LDB1: variants seen among roughly 807,000 people sequenced by gnomAD.
The protein encoded by LDB1 is LIM domain binding 1.
In LDB1, 6 loss-of-function variants were observed where a neutral mutation model predicts 49.7. The observed-to-expected ratio is 0.12, with a 90% CI of 0.07 to 0.24. The LOEUF (loss-of-function observed/expected upper bound fraction) is 0.24, where lower values mean the gene tolerates loss of function less well. LDB1 is among the 10% of genes least tolerant of loss of function. The pLI, the probability that LDB1 is intolerant of heterozygous loss-of-function variation, is 1.00. For synonymous variants in LDB1, 233 were observed against 202.0 expected (o/e 1.15, Z -1.30); for missense variants, 341 against 561.7 (o/e 0.61, Z 3.97).
Position 102,111,474 on chromosome 10 carries a change from G to A in LDB1, c.88C>T (p.Pro30Ser). 1.3e-6 allele frequency: 2 copies of A among 1,564,974 alleles called. No homozygotes were observed. Among genetic ancestry groups the A allele is most frequent in the Middle Eastern group, 1.7e-4 (1 of 5,808 alleles). ...PKEPPNGNAF[P>S]PFHPGTMLDR... ...AGCATGGTGCCGGGATGGAAGGGGG[G>A]AAAGGCGTTGCCGTTCGGGGGCTCC... is the stretch of plus-strand genomic sequence containing the variant. Residue 30 changes from proline (P) to serine (S), a missense_variant, in exon 2 of 11, where the codon CCC becomes TCC. Physicochemically the swap from Pro to Ser is moderately conservative, Grantham distance 74. Transcript: ENST00000673968.
In LDB1 at chr10:102,107,259, A is replaced by G. The variant is rs1427989124; in HGVS notation, c.*834T>C. On this transcript the variant is annotated 3_prime_UTR_variant, in exon 11 of 11. Coordinates refer to ENST00000673968, the MANE Select transcript of LDB1 (RefSeq NM_001113407.3). ...TGGAAGAGAGGGAGTCACAAGCACT[A>G]GGAGGGCAGGCCAGAGTCCAGAGAA... 6.6e-6 allele frequency among the ~76,000 whole-genome samples: 1 copy of G among 152,190 alleles called. No individual in the cohort carries two copies. Among genetic ancestry groups the G allele is most frequent in the East Asian group, 1.9e-4 (1 of 5,164 alleles).
intron 1 of LDB1, among the ~76,000 whole-genome samples, 187 bp from the exon 2 acceptor site, chr10:102,111,723 T>C (rs879481679): frequency 5.3e-5 from 8 of 152,132 alleles, no homozygotes; most frequent in Non-Finnish European, 1.2e-4. Context: ...TGGTGGTGCA[T>C]GCCTGTGGTT....
downstream of LDB1, among the ~76,000 whole-genome samples, chr10:102,105,412 G>T (rs1008673760): frequency 3.3e-5 from 5 of 152,272 alleles, no homozygotes; most frequent in South Asian, 4.1e-4. Flanking sequence ...CAGCTAGGGA[G>T]GTGAGGGTAG....
intron 1 of LDB1, chr10:102,114,370 C>T: frequency 1.0e-6 from 1 of 986,294 alleles, no homozygotes; most frequent in Non-Finnish European, 1.2e-6. Flanking sequence ...GGCCTTCCGC[C>T]CACCCCCAAC....
rs1189834234 is a variant in LDB1 at position 102,109,706 on chromosome 10, A to G, written c.649-23T>C. The G allele has an allele frequency of 1.2e-6, 2 of 1,611,168 alleles. No homozygotes were observed. The highest frequency in any genetic ancestry group is 1.1e-5 in the South Asian group (1 of 90,956). ...GGCCTAGAGTGGGAGAAAAGACAAG[A>G]AAGAACACTGACACCTGGGTTGCCT... On this transcript the variant is annotated intron_variant, in intron 7 of 10. Coordinates refer to ENST00000673968, the MANE Select transcript of LDB1 (RefSeq NM_001113407.3). This position sits in a 1 kb window ranked among gnomAD's most constrained non-coding sequence, Gnocchi z 5.8.
intron 1 of LDB1, among the ~76,000 whole-genome samples, chr10:102,112,469 C>G (rs2133515326): frequency 6.6e-6 from 1 of 152,270 alleles, no homozygotes; most frequent in South Asian, 2.1e-4. Context: ...TTCCTCCACC[C>G]TCAGGGTCTC....
rs1431929206 is a variant in LDB1 at position 102,117,707 on chromosome 10, C to A, written c.25+2379G>T. On this transcript the variant is annotated intron_variant, in intron 1 of 10. Coordinates refer to ENST00000673968, the MANE Select transcript of LDB1 (RefSeq NM_001113407.3). The surrounding 1 kb of genome is among the most constrained non-coding windows in gnomAD (Gnocchi z 4.2). ...CCCCCTACTCCTCCCTGCCTTAACC[C>A]TTCTGAGCCACATGCTGCCCCAGAC... 6.6e-6 allele frequency among the ~76,000 whole-genome samples: 1 copy of A among 152,184 alleles called. No homozygotes were observed. The highest frequency in any genetic ancestry group is 2.4e-5 in the African/African-American group (1 of 41,444).
At chr10:102,110,848 A>C in intron 5 of LDB1, 21 bp downstream of exon 5, 1 of 1,606,846 alleles carries the variant, frequency 6.2e-7, no homozygotes, top group Non-Finnish European at 8.5e-7. Context: ...CCCTCATAGC[A>C]AGACCCCAGA....
rs756005339 is a variant in LDB1, at chr10:102,109,219, G to A, written c.857-42C>T. 3 of 1,611,956 alleles carry A rather than the reference G, an allele frequency of 1.9e-6. No individual in the cohort carries two copies. Among genetic ancestry groups the A allele is most frequent in the Non-Finnish European group, 2.5e-6 (3 of 1,179,692 alleles). On this transcript the variant is annotated intron_variant, in intron 9 of 10. Coordinates refer to ENST00000673968, the MANE Select transcript of LDB1 (RefSeq NM_001113407.3). The surrounding 1 kb of genome is among the most constrained non-coding windows in gnomAD (Gnocchi z 5.8). Reference sequence around the variant, plus strand: ...AGACTCAGATGGGAGAGGGCCCCAGGTCCCCTATTCTCCATTGTGGCTCCC... The same window carrying A: ...AGACTCAGATGGGAGAGGGCCCCAGATCCCCTATTCTCCATTGTGGCTCCC...
intron 1 of LDB1, among the ~76,000 whole-genome samples, chr10:102,111,809 C>G (rs1355315878): frequency 6.6e-6 from 1 of 152,138 alleles, no homozygotes; most frequent in Non-Finnish European, 1.5e-5. Flanking sequence ...GGAGATCATA[C>G]CACTGCACTC....
chr10:102,120,044 G>T, intron 1 of LDB1, 42 bp downstream of exon 1: 1 of 1,405,106 alleles, frequency 7.1e-7, no homozygotes, highest in Non-Finnish European at 9.5e-7. Flanking sequence ...CCGCAGGGAC[G>T]GCTGGGCAGG....
chr10:102,110,293 G>T, intron 6 of LDB1: 1 of 622,686 alleles, frequency 1.6e-6, no homozygotes, highest in East Asian at 2.8e-5. Flanking sequence ...ACACCCACCT[G>T]CTCTAAGCTA....
At chr10:102,114,958 G>GCCTC (rs2068316030) in intron 1 of LDB1, 7 of 504,826 alleles carry the variant, frequency 1.4e-5, no homozygotes, top group Non-Finnish European at 1.8e-5. Context: ...TTCTCTCCCT[G>GCCTC]CCTCCCTCCC....
Position 102,109,489 on chromosome 10 carries a change from G to A in LDB1, c.751C>T (p.Pro251Ser). Residue 251 changes from proline (P) to serine (S), a missense_variant, in exon 9 of 11, where the codon CCC (proline) becomes TCC (serine). Pro to Ser is a moderately conservative substitution (Grantham distance 74). Around this residue, in one of 5 missense-constraint regions of LDB1, gnomAD observed 233 missense variants for 385.7 expected, o/e 0.60. Coordinates refer to ENST00000673968, the MANE Select transcript of LDB1 (RefSeq NM_001113407.3). This position sits in a 1 kb window ranked among gnomAD's most constrained non-coding sequence, Gnocchi z 5.8. ...TGGCGTGACATGAGCTCTTGCATGG[G>A]CTCGAGTATCACACAGAGCTAGGGG... Reference protein sequence around the residue: ...NYLRLCVILEPMQELMSRHKT... With the variant: ...NYLRLCVILESMQELMSRHKT... 6.2e-7 allele frequency: 1 copy of A among 1,614,164 alleles called. No individual in the cohort carries two copies. Among genetic ancestry groups the A allele is most frequent in the Non-Finnish European group, 8.5e-7 (1 of 1,180,026 alleles).
chr10:102,113,801 C>G (rs567623936), intron 1 of LDB1, among the ~76,000 whole-genome samples: 33 of 151,842 alleles, frequency 2.2e-4, no homozygotes, highest in African/African-American at 7.7e-4. Context: ...CCATTTCTCT[C>G]TCTAGAGAAT....
Position 102,109,427 on chromosome 10 carries a change from C to G in LDB1, c.813G>C (p.Lys271Asn). The G allele has an allele frequency of 6.2e-7, 1 of 1,614,164 alleles. No individual in the cohort carries two copies. ...GCTGCCACTTCTGGAAAAGGCAGGT[C>G]TTGAGGCAGTCGCGGGGGCTGAGGC... ...TYSLSPRDCLKTCLFQKWQRM... is the reference protein window; with the variant it reads ...TYSLSPRDCLNTCLFQKWQRM... Residue 271 changes from lysine (K) to asparagine (N), a missense_variant, in exon 9 of 11, where the codon AAG becomes AAC. By Grantham distance (94) the Lys-to-Asn change is moderately conservative (BLOSUM62 0). Coordinates refer to ENST00000673968, the MANE Select transcript of LDB1 (RefSeq NM_001113407.3). This position sits in a 1 kb window ranked among gnomAD's most constrained non-coding sequence, Gnocchi z 5.8.
In LDB1 at chr10:102,109,027, A is replaced by G. The variant is rs745581905; in HGVS notation, c.1005+2T>C. The G allele has an allele frequency of 4.3e-6, 7 of 1,614,232 alleles. No individual in the cohort carries two copies. Among genetic ancestry groups the G allele is most frequent in the Non-Finnish European group, 5.9e-6 (7 of 1,180,030 alleles). On this transcript the variant is annotated splice_donor_variant, in intron 10 of 10. Coordinates refer to ENST00000673968, the MANE Select transcript of LDB1 (RefSeq NM_001113407.3). LOFTEE classifies it high-confidence loss of function. The surrounding 1 kb of genome is among the most constrained non-coding windows in gnomAD (Gnocchi z 5.8). ...AAGAGAGAAGAAAGCCGAGATGCTT[A>G]CAGGTACCTGGCTGGAGAGGGCGAA...
Position 102,117,307 on chromosome 10 carries a change from G to T in LDB1, c.25+2779C>A, listed in dbSNP as rs983946084. Among the ~76,000 whole-genome samples, 5 of 152,202 alleles carry T rather than the reference G, an allele frequency of 3.3e-5. No homozygotes were observed. Among genetic ancestry groups the T allele is most frequent in the African/African-American group, 1.2e-4 (5 of 41,440 alleles). Reference sequence around the variant, plus strand: ...AAACAGGCCTTCTAGTTATTCTCTAGCAAGTCTGCTCCTTTCTCTGCTCTG... The same window carrying T: ...AAACAGGCCTTCTAGTTATTCTCTATCAAGTCTGCTCCTTTCTCTGCTCTG... On this transcript the variant is annotated intron_variant, in intron 1 of 10. Coordinates refer to ENST00000673968, the MANE Select transcript of LDB1 (RefSeq NM_001113407.3). This position sits in a 1 kb window ranked among gnomAD's most constrained non-coding sequence, Gnocchi z 4.2.
chr10:102,104,819 C>T (rs1405324605), downstream of LDB1, among the ~76,000 whole-genome samples: 2 of 152,130 alleles, frequency 1.3e-5, no homozygotes, highest in Non-Finnish European at 2.9e-5. Context: ...TCAACACAGT[C>T]GCACTGCTAA....
Sources: gnomAD v4.1 joint callset for allele counts (sites outside exome capture counted in the v4.1 genomes callset) on GRCh38, gnomAD v4.1.1 for gene constraint, gnomAD v4.1.1 regional missense constraint, Gnocchi (gnomAD v3.1) non-coding constraint, MANE v1.5 for transcripts, NCBI Gene and HGNC (gene_info 2026-07-23, HGNC 2026-07-21) for gene names.